Variants in DLGAP2 observed in about 807,000 individuals in gnomAD.
DLGAP2 encodes DLG associated protein 2, also known as disks large-associated protein 2.
A neutral mutation model predicts 100.3 loss-of-function variants in DLGAP2; 26 were observed. The ratio of observed to expected loss-of-function variants is 0.26; its 90% CI spans 0.19 to 0.36. The LOEUF (loss-of-function observed/expected upper bound fraction) is 0.36. Among genes scored for constraint, DLGAP2 ranks in the 10% least tolerant of loss-of-function variants. The pLI is 1.00. For synonymous variants in DLGAP2, 886 were observed against 630.1 expected, an observed-to-expected ratio of 1.41 and a Z score of -6.08; for missense variants, 1,858 against 1,453.2, an observed-to-expected ratio of 1.28 and a Z score of -4.53.
intron 2 of DLGAP2, among the ~76,000 whole-genome samples, chr8:908,348 G>A (rs980742467): frequency 2.0e-5 from 3 of 152,132 alleles, no homozygotes; most frequent in African/African-American, 7.2e-5. Context: ...AAATGTGTTT[G>A]GAATCTGTTT....
intron 3 of DLGAP2, among the ~76,000 whole-genome samples, chr8:1,496,330 G>C (rs1210868459): frequency 6.6e-6 from 1 of 152,032 alleles, no homozygotes; most frequent in Non-Finnish European, 1.5e-5. Context: ...GAGTGCATGG[G>C]GGTCGGAACC....
intron 5 of DLGAP2, among the ~76,000 whole-genome samples, chr8:1,557,495 G>C (rs1017710202): frequency 4.6e-5 from 7 of 152,138 alleles, no homozygotes; most frequent in African/African-American, 1.4e-4. Flanking sequence ...GGCCGATTCT[G>C]AGAGAACTCA....
At chr8:1,360,261 T>C (rs1458065372) in intron 3 of DLGAP2, among the ~76,000 whole-genome samples, 6 of 92,040 alleles carry the variant, frequency 6.5e-5, no homozygotes, top group Non-Finnish European at 1.3e-4. Flanking sequence ...GCGGGGCTTC[T>C]CCGGGGCGGG....
chr8:1,654,589 A>C (rs1798240509), intron 8 of DLGAP2, among the ~76,000 whole-genome samples: 1 of 145,536 alleles, frequency 6.9e-6, no homozygotes, highest in East Asian at 2.1e-4. Context: ...TGAACCCGGG[A>C]GGCGGAGGTT....
chr8:1,296,312 T>C (rs1800173451), intron 3 of DLGAP2: 1 of 152,168 alleles, frequency 6.6e-6, no homozygotes, highest in Non-Finnish European at 1.5e-5. Flanking sequence ...AATTATAACT[T>C]TATAAATAAA....
chr8:1,168,128 G>A (rs982617049), intron 2 of DLGAP2, among the ~76,000 whole-genome samples: 5 of 146,032 alleles, frequency 3.4e-5, no homozygotes, highest in South Asian at 2.2e-4. Context: ...GAGAATCTGC[G>A]GTGTTTGGTT....
At chr8:1,068,417 G>A (rs1050388468) in intron 2 of DLGAP2, among the ~76,000 whole-genome samples, 8 of 152,336 alleles carry the variant, frequency 5.3e-5, no homozygotes, top group Middle Eastern at 3.4e-3. Context: ...ACCCCCCACA[G>A]TGGATAAGAG....
At chr8:972,608 A>ATTTTTTTCTTTT (rs71528628) in intron 2 of DLGAP2, among the ~76,000 whole-genome samples, 50,877 of 148,354 alleles carry the variant, frequency 0.34, 9,099 homozygotes, top group Non-Finnish European at 0.39. Context: ...TTTTTTTTGT[A>ATTTTTTTCTTTT]TTTTTTTCTT....
chr8:1,116,659 G>T (rs567482979), intron 2 of DLGAP2, among the ~76,000 whole-genome samples: 4 of 152,248 alleles, frequency 2.6e-5, no homozygotes, highest in East Asian at 1.9e-4. Flanking sequence ...TTAGCCACAC[G>T]TGGTGGCATG....
chr8:1,170,249 G>C (rs1477883664), intron 2 of DLGAP2, among the ~76,000 whole-genome samples: 2 of 152,168 alleles, frequency 1.3e-5, no homozygotes, highest in African/African-American at 2.4e-5. Context: ...GTTCATGCTG[G>C]ATAAGCTTTT....
At chr8:1,067,227 C>T (rs1244230757) in intron 2 of DLGAP2, among the ~76,000 whole-genome samples, 1 of 152,240 alleles carries the variant, frequency 6.6e-6, no homozygotes, top group African/African-American at 2.4e-5. Context: ...ATCTGACCCC[C>T]AGTTCCTGGG....
At chr8:1,486,091 G>A (rs536467198) in intron 3 of DLGAP2, among the ~76,000 whole-genome samples, 59 of 152,224 alleles carry the variant, frequency 3.9e-4, no homozygotes, top group South Asian at 3.1e-3. Context: ...ATCTCTGCTC[G>A]CGTCCCGTGC....
At chr8:1,130,208 C>T (rs1796260923) in intron 2 of DLGAP2, among the ~76,000 whole-genome samples, 1 of 152,028 alleles carries the variant, frequency 6.6e-6, no homozygotes, top group African/African-American at 2.4e-5. Flanking sequence ...AAGTGAGGTG[C>T]GTTATTGACA....
chr8:1,335,674 A>G (rs1801257359), intron 3 of DLGAP2, among the ~76,000 whole-genome samples: 1 of 152,130 alleles, frequency 6.6e-6, no homozygotes, highest in Non-Finnish European at 1.5e-5. Context: ...AAAAGTCGAG[A>G]GCAATCCAGG....
intron 2 of DLGAP2, among the ~76,000 whole-genome samples, chr8:928,536 G>C (rs1798869661): frequency 6.6e-6 from 1 of 152,064 alleles, no homozygotes; most frequent in South Asian, 2.1e-4. Flanking sequence ...GCGGGGACTG[G>C]GTACTTGACA....
At chr8:1,212,758 T>C (rs1798132313) in intron 2 of DLGAP2, among the ~76,000 whole-genome samples, 1 of 147,474 alleles carries the variant, frequency 6.8e-6, no homozygotes, top group African/African-American at 2.5e-5. Flanking sequence ...TCTCTCTCTC[T>C]CTTCCCCCCC....
chr8:822,440 C>G (rs564346321), intron 1 of DLGAP2, among the ~76,000 whole-genome samples: 1 of 152,306 alleles, frequency 6.6e-6, no homozygotes, highest in East Asian at 1.9e-4. Context: ...CTGGATGTTT[C>G]TCTGTTCAAA....
intron 2 of DLGAP2, among the ~76,000 whole-genome samples, chr8:1,046,201 C>G (rs1206207616): frequency 6.6e-6 from 1 of 152,136 alleles, no homozygotes; most frequent in Non-Finnish European, 1.5e-5. Context: ...TTTTATTTTC[C>G]TACTGCCTTC....
intron 2 of DLGAP2, among the ~76,000 whole-genome samples, chr8:1,040,688 G>A (rs148689482): frequency 2.2e-4 from 33 of 151,764 alleles, no homozygotes; most frequent in Middle Eastern, 3.4e-3. Context: ...CTCGGTTTCC[G>A]TGGTCGGCTC....
Sources: allele counts gnomAD v4.1 joint callset (sites outside exome capture counted in the v4.1 genomes callset), GRCh38; gene constraint gnomAD v4.1.1; transcripts MANE v1.5; gene names NCBI Gene and HGNC (gene_info 2026-07-23, HGNC 2026-07-21).